PCDH9: variants seen among roughly 807,000 people sequenced by gnomAD.
PCDH9 encodes the protein protocadherin-9.
Under a neutral mutation model 70.6 loss-of-function variants are expected in PCDH9, and 24 were observed. The ratio of observed to expected loss-of-function variants is 0.34; its 90% CI spans 0.25 to 0.48. The LOEUF is 0.48. Among genes scored for constraint, PCDH9 ranks in the 20% least tolerant of loss-of-function variants. The probability of loss-of-function intolerance (pLI) is 0.99; values close to 1 mark genes in which losing one functional copy is unlikely to be tolerated. For synonymous variants in PCDH9, 562 were observed against 558.5 expected (o/e 1.01, Z -0.09); for missense variants, 1,281 against 1,503.6 (o/e 0.85, Z 2.45).
chr13:67,029,004 T>A (rs1168405838), intron 2 of PCDH9, among the ~76,000 whole-genome samples: 1 of 152,158 alleles, frequency 6.6e-6, no homozygotes, highest in Non-Finnish European at 1.5e-5. Flanking sequence ...CAATTTTGAA[T>A]AAATTCTTAA....
At chr13:67,146,166 T>C (rs987825952) in intron 2 of PCDH9, among the ~76,000 whole-genome samples, 2 of 152,126 alleles carry the variant, frequency 1.3e-5, no homozygotes, top group African/African-American at 4.8e-5. Context: ...TTCCAGGAAA[T>C]TCATGCTAAA....
chr13:66,576,766 G>A (rs1352270448), intron 4 of PCDH9, among the ~76,000 whole-genome samples: 1 of 151,892 alleles, frequency 6.6e-6, no homozygotes, highest in African/African-American at 2.4e-5. Context: ...TGAAATCCTG[G>A]GAGAAAAGAA....
At chr13:66,904,428 G>T (rs2082326948) in intron 2 of PCDH9, among the ~76,000 whole-genome samples, 1 of 151,884 alleles carries the variant, frequency 6.6e-6, no homozygotes, top group African/African-American at 2.4e-5. Context: ...AGCAATATTT[G>T]TAAGTATTGC....
At chr13:66,834,250 C>T (rs1479741254) in intron 3 of PCDH9, among the ~76,000 whole-genome samples, 6 of 151,408 alleles carry the variant, frequency 4.0e-5, no homozygotes, top group African/African-American at 9.7e-5. Flanking sequence ...CTCCGTCCCC[C>T]GAGCTCAAGC....
At chr13:66,909,376 C>A (rs542420001) in intron 2 of PCDH9, among the ~76,000 whole-genome samples, 4 of 151,992 alleles carry the variant, frequency 2.6e-5, no homozygotes, top group Non-Finnish European at 4.4e-5. Flanking sequence ...CCGCCCAAAG[C>A]AATCTATGGA....
intron 2 of PCDH9, among the ~76,000 whole-genome samples, chr13:66,948,461 C>T (rs542928880): frequency 1.3e-5 from 2 of 151,896 alleles, no homozygotes; most frequent in South Asian, 4.2e-4. Context: ...AGTTGGAATG[C>T]AGAATTTGTA....
chr13:66,573,008 A>G (rs1466366507), intron 4 of PCDH9, among the ~76,000 whole-genome samples: 2 of 152,044 alleles, frequency 1.3e-5, no homozygotes, highest in African/African-American at 4.8e-5. Context: ...AGAAACCCCA[A>G]TACTGTTTTC....
At chr13:66,454,811 A>G (rs547121960) in intron 4 of PCDH9, among the ~76,000 whole-genome samples, 3 of 152,216 alleles carry the variant, frequency 2.0e-5, no homozygotes, top group South Asian at 4.1e-4. Flanking sequence ...TAGTTGTAAA[A>G]ATTACTAAAT....
intron 3 of PCDH9, among the ~76,000 whole-genome samples, chr13:66,692,015 A>G (rs1388860005): frequency 6.6e-6 from 1 of 152,154 alleles, no homozygotes; most frequent in African/African-American, 2.4e-5. Context: ...TTGAGCTATG[A>G]GGCATTGTGC....
At chr13:66,661,675 A>T in intron 3 of PCDH9, among the ~76,000 whole-genome samples, 1 of 152,210 alleles carries the variant, frequency 6.6e-6, no homozygotes. Flanking sequence ...AATTAGGTTT[A>T]TCATAAATCA....
chr13:66,401,279 T>C (rs1455844872), intron 4 of PCDH9, among the ~76,000 whole-genome samples: 5 of 152,090 alleles, frequency 3.3e-5, no homozygotes, highest in East Asian at 1.9e-4. Context: ...GATTAGATCA[T>C]GGGGGCGGTC....
chr13:67,199,109 G>T (rs1379222650), intron 2 of PCDH9, among the ~76,000 whole-genome samples: 1 of 151,388 alleles, frequency 6.6e-6, no homozygotes, highest in Non-Finnish European at 1.5e-5. Context: ...TTTCAGTACA[G>T]AAGAATTGAT....
intron 4 of PCDH9, among the ~76,000 whole-genome samples, chr13:66,447,434 G>T (rs951146702): frequency 3.9e-5 from 6 of 151,964 alleles, no homozygotes; most frequent in Non-Finnish European, 7.4e-5. Context: ...TATGTCAAAG[G>T]AATCTGCCCA....
At chr13:66,421,401 GA>G (rs1164900252) in intron 4 of PCDH9, among the ~76,000 whole-genome samples, 1 of 152,120 alleles carries the variant, frequency 6.6e-6, no homozygotes, top group Admixed American at 6.5e-5. Context: ...TGATATGAAG[GA>G]AAAAATGTTA....
intron 3 of PCDH9, among the ~76,000 whole-genome samples, chr13:66,633,027 T>G (rs1283053953): frequency 6.6e-6 from 1 of 152,170 alleles, no homozygotes; most frequent in Non-Finnish European, 1.5e-5. Context: ...ACTGTATGAA[T>G]GCATACTTAT....
At chr13:67,040,862 A>T (rs1314889965) in intron 2 of PCDH9, among the ~76,000 whole-genome samples, 1 of 152,182 alleles carries the variant, frequency 6.6e-6, no homozygotes, top group Non-Finnish European at 1.5e-5. Flanking sequence ...TAAAAGTCAT[A>T]AAAATATTTA....
intron 3 of PCDH9, among the ~76,000 whole-genome samples, chr13:66,849,517 T>TATATATAGAGAG (rs1272589939): frequency 7.9e-4 from 50 of 63,562 alleles, no homozygotes; most frequent in Non-Finnish European, 1.2e-3. Flanking sequence ...TATATATATA[T>TATATATAGAGAG]AGAGAGAGAG....
intron 2 of PCDH9, among the ~76,000 whole-genome samples, chr13:67,148,591 T>G (rs931342543): frequency 6.6e-6 from 1 of 152,206 alleles, no homozygotes; most frequent in Non-Finnish European, 1.5e-5. Flanking sequence ...TAATTACCAC[T>G]TTTCTGCATC....
chr13:67,225,076 C>A, intron 2 of PCDH9: 2 of 1,159,288 alleles, frequency 1.7e-6, no homozygotes, highest in Non-Finnish European at 2.1e-6. Flanking sequence ...ATTTGGAAAC[C>A]CCCAGGAGCA....
Sources: gnomAD v4.1 joint callset for allele counts (sites outside exome capture counted in the v4.1 genomes callset) on GRCh38, gnomAD v4.1.1 for gene constraint, MANE v1.5 for transcripts, NCBI Gene and HGNC (gene_info 2026-07-23, HGNC 2026-07-21) for gene names.